CHST11: variants seen among roughly 807,000 people sequenced by gnomAD.
CHST11 encodes C4S-1.
A neutral mutation model predicts 30.4 loss-of-function variants in CHST11; 9 were observed. The ratio of observed to expected loss-of-function variants is 0.30; its 90% CI spans 0.18 to 0.52. The LOEUF (loss-of-function observed/expected upper bound fraction) is 0.52. Among genes scored for constraint, CHST11 ranks in the 20% least tolerant of loss-of-function variants. CHST11 has a pLI of 0.97. For synonymous variants in CHST11, 152 were observed against 187.8 expected, an observed-to-expected ratio of 0.81 and a Z score of 1.56; for missense variants, 348 against 460.6, an observed-to-expected ratio of 0.76 and a Z score of 2.24.
At chr12:104,738,082 C>T (rs920656316) in intron 2 of CHST11, among the ~76,000 whole-genome samples, 11 of 152,306 alleles carry the variant, frequency 7.2e-5, no homozygotes, top group African/African-American at 2.6e-4. Flanking sequence ...CCCAACGTCC[C>T]GCCCTGCTGG....
chr12:104,732,470 T>A (rs964454047), intron 2 of CHST11, among the ~76,000 whole-genome samples: 20 of 152,242 alleles, frequency 1.3e-4, no homozygotes, highest in African/African-American at 4.6e-4. Context: ...ACTTACTTTT[T>A]AAAAATTCAC....
At chr12:104,688,941 G>T (rs1321800992) in intron 2 of CHST11, among the ~76,000 whole-genome samples, 1 of 151,898 alleles carries the variant, frequency 6.6e-6, no homozygotes, top group African/African-American at 2.4e-5. Context: ...GGCAAGAAGG[G>T]GCAAGAAGGA....
chr12:104,726,112 C>T (rs1385117399), intron 2 of CHST11, among the ~76,000 whole-genome samples: 1 of 152,180 alleles, frequency 6.6e-6, no homozygotes, highest in Admixed American at 6.5e-5. Context: ...GAGAAGACAA[C>T]AGAGAGATAG....
At chr12:104,616,307 T>A (rs2136056898) in intron 2 of CHST11, among the ~76,000 whole-genome samples, 1 of 152,292 alleles carries the variant, frequency 6.6e-6, no homozygotes, top group South Asian at 2.1e-4. Context: ...ACCCAATCAG[T>A]ATTTTCTATA....
At chr12:104,719,328 A>G (rs2040155644) in intron 2 of CHST11, among the ~76,000 whole-genome samples, 1 of 152,194 alleles carries the variant, frequency 6.6e-6, no homozygotes, top group African/African-American at 2.4e-5. Context: ...AAGAAATGCC[A>G]TGTTGGCTTA....
intron 1 of CHST11, among the ~76,000 whole-genome samples, chr12:104,522,162 T>C (rs1304075796): frequency 1.3e-5 from 2 of 152,228 alleles, no homozygotes; most frequent in Non-Finnish European, 2.9e-5. Flanking sequence ...TTGCTTTGGC[T>C]CTTTTTCTCA....
At chr12:104,530,756 A>G (rs1466233124) in intron 1 of CHST11, among the ~76,000 whole-genome samples, 7 of 152,182 alleles carry the variant, frequency 4.6e-5, no homozygotes, top group African/African-American at 1.7e-4. Flanking sequence ...CAGCCTCCTG[A>G]CTCACCTTTG....
chr12:104,740,922 T>C (rs1424845448), intron 2 of CHST11, among the ~76,000 whole-genome samples: 1 of 152,244 alleles, frequency 6.6e-6, no homozygotes, highest in African/African-American at 2.4e-5. Context: ...CCTGTTCCAC[T>C]TTCACTATGA....
At chr12:104,531,827 A>G (rs929454697) in intron 1 of CHST11, among the ~76,000 whole-genome samples, 2 of 152,160 alleles carry the variant, frequency 1.3e-5, no homozygotes, top group Admixed American at 6.5e-5. Context: ...CATTACTGTC[A>G]ATGGCATACA....
chr12:104,596,731 G>A (rs1299353282), intron 1 of CHST11, among the ~76,000 whole-genome samples: 2 of 152,134 alleles, frequency 1.3e-5, no homozygotes, highest in Non-Finnish European at 1.5e-5. Flanking sequence ...GTGAGAAAAA[G>A]GCTGAGCATT....
chr12:104,482,344 GC>G (rs35376549), intron 1 of CHST11, among the ~76,000 whole-genome samples: 79 of 89,010 alleles, frequency 8.9e-4, no homozygotes, highest in Admixed American at 4.7e-3. Flanking sequence ...CAAACAGGGA[GC>G]CCCCCCCCGC....
intron 2 of CHST11, among the ~76,000 whole-genome samples, chr12:104,684,535 T>C (rs954022369): frequency 1.3e-5 from 2 of 149,754 alleles, no homozygotes; most frequent in African/African-American, 4.9e-5. Flanking sequence ...TTGTTTGATA[T>C]GGTTTGGTTT....
At chr12:104,492,024 A>G (rs2037752380) in intron 1 of CHST11, among the ~76,000 whole-genome samples, 1 of 152,220 alleles carries the variant, frequency 6.6e-6, no homozygotes, top group South Asian at 2.1e-4. Flanking sequence ...AGTCAGTCTT[A>G]GCTCGTATAC....
intron 1 of CHST11, among the ~76,000 whole-genome samples, chr12:104,575,883 A>G (rs940786732): frequency 2.0e-5 from 3 of 152,010 alleles, no homozygotes; most frequent in East Asian, 3.9e-4. Context: ...GGAACTCAAC[A>G]TTGTAAATAA....
chr12:104,590,733 C>T (rs1277106402), intron 1 of CHST11, among the ~76,000 whole-genome samples: 2 of 151,828 alleles, frequency 1.3e-5, no homozygotes, highest in Non-Finnish European at 1.5e-5. Context: ...ACCAGCCTGG[C>T]CAACATGGTG....
At chr12:104,605,559 A>G (rs2136049661) in intron 2 of CHST11, among the ~76,000 whole-genome samples, 1 of 152,378 alleles carries the variant, frequency 6.6e-6, no homozygotes, top group South Asian at 2.1e-4. Context: ...AGCCTGGGCG[A>G]AAGAGCCAGA....
At chr12:104,745,932 CCTT>C (rs375867877) in intron 2 of CHST11, among the ~76,000 whole-genome samples, 176 of 152,278 alleles carry the variant, frequency 1.2e-3, no homozygotes, top group African/African-American at 3.6e-3. Context: ...TCCTTTATCT[CCTT>C]CTCTTGCCTG....
intron 2 of CHST11, among the ~76,000 whole-genome samples, chr12:104,681,674 C>T (rs902155896): frequency 2.6e-5 from 4 of 152,052 alleles, no homozygotes; most frequent in Non-Finnish European, 5.9e-5. Context: ...CATGGCAAAA[C>T]CCCTTCTCTA....
At chr12:104,606,640 G>A (rs564939888) in intron 2 of CHST11, among the ~76,000 whole-genome samples, 14 of 152,236 alleles carry the variant, frequency 9.2e-5, no homozygotes, top group Middle Eastern at 3.4e-3. Context: ...TATTTTTCCC[G>A]GGTGAAAACA....
Sources: allele counts gnomAD v4.1 joint callset (sites outside exome capture counted in the v4.1 genomes callset), GRCh38; gene constraint gnomAD v4.1.1; transcripts MANE v1.5; gene names NCBI Gene and HGNC (gene_info 2026-07-23, HGNC 2026-07-21).